The following ARHGEF7 variants were observed in gnomAD, a reference collection of about 807,000 sequenced individuals.
ARHGEF7 encodes PAK-interacting exchange factor beta.
A neutral mutation model predicts 109.8 loss-of-function variants in ARHGEF7; 33 were observed. The observed-to-expected ratio is 0.30, with a 90% CI of 0.23 to 0.40. ARHGEF7 has a LOEUF of 0.40. Among genes scored for constraint, ARHGEF7 ranks in the 10% least tolerant of loss-of-function variants. The pLI, the probability that ARHGEF7 is intolerant of heterozygous loss-of-function variation, is 1.00. For missense variants in ARHGEF7, 938 were observed against 1,098.5 expected, an observed-to-expected ratio of 0.85 and a Z score of 2.07; for synonymous variants, 458 against 424.6, an observed-to-expected ratio of 1.08 and a Z score of -0.97.
At chr13:111,227,501 C>CT (rs202180783) in intron 5 of ARHGEF7, among the ~76,000 whole-genome samples, 15 of 151,788 alleles carry the variant, frequency 9.9e-5, no homozygotes, top group Middle Eastern at 3.4e-3. Flanking sequence ...TTTTTAGAAA[C>CT]TTTTTTTTTA....
At chr13:111,161,527 T>C (rs755493550) in intron 2 of ARHGEF7, among the ~76,000 whole-genome samples, 19 of 152,320 alleles carry the variant, frequency 1.2e-4, no homozygotes, top group Non-Finnish European at 1.2e-4. Flanking sequence ...GCCTGGTAAG[T>C]TGGAGGTGCC....
intron 8 of ARHGEF7, among the ~76,000 whole-genome samples, chr13:111,246,444 A>C (rs949008065): frequency 6.6e-6 from 1 of 152,120 alleles, no homozygotes; most frequent in East Asian, 1.9e-4. Flanking sequence ...CATGATGAAA[A>C]TACTTTGTTC....
At chr13:111,237,124 G>A (rs1452228432) in intron 6 of ARHGEF7, among the ~76,000 whole-genome samples, 1 of 152,140 alleles carries the variant, frequency 6.6e-6, no homozygotes, top group African/African-American at 2.4e-5. Context: ...AAATCTTTTA[G>A]GCTACCTAAT....
At chr13:111,295,092 G>A in intron 19 of ARHGEF7, 1 of 982,658 alleles carries the variant, frequency 1.0e-6, no homozygotes, top group South Asian at 4.7e-5. Flanking sequence ...GTATTGTACA[G>A]TATGCATATT....
At chr13:111,270,435 T>G (rs896067784) in intron 9 of ARHGEF7, among the ~76,000 whole-genome samples, 16 of 152,180 alleles carry the variant, frequency 1.1e-4, no homozygotes, top group African/African-American at 3.9e-4. Context: ...TTTTTTAACT[T>G]CAAACTGAAA....
Position 111,301,463 on chromosome 13 carries a change from TG to T in ARHGEF7, c.2412-14del. The T allele has an allele frequency of 6.2e-7, 1 of 1,611,660 alleles. No individual in the cohort carries two copies. Among genetic ancestry groups the T allele is most frequent in the Non-Finnish European group, 8.5e-7 (1 of 1,178,078 alleles). ...TCACCTTGTTCATGTGTGTGTGTTC[TG>T]TTTCCTGTTTCAGGAGTCTTGTGGA... On this transcript the variant is annotated splice_polypyrimidine_tract_variant and intron_variant, in intron 20 of 21. Transcript: ENST00000646102.
intron 21 of ARHGEF7, 75 bp from the exon 22 acceptor site, chr13:111,302,916 G>C: frequency 6.3e-7 from 1 of 1,577,840 alleles, no homozygotes; most frequent in Non-Finnish European, 8.6e-7. Flanking sequence ...GCTCCTCAAG[G>C]ATACACATTT....
intron 12 of ARHGEF7, chr13:111,275,980 G>T: frequency 2.7e-6 from 1 of 369,264 alleles, no homozygotes; most frequent in Non-Finnish European, 5.2e-6. Context: ...GCACACATCC[G>T]CATGGAGCTG....
Position 111,305,337 on chromosome 13 carries a change from T to C in ARHGEF7, c.*2224T>C, listed in dbSNP as rs1027501492. 5 of 152,270 alleles carry C rather than the reference T, an allele frequency of 3.3e-5. No homozygotes were observed. The highest frequency in any genetic ancestry group is 6.5e-5 in the Admixed American group (1 of 15,290). The allele number at this position is 152,270 out of a possible 1,614,324, so 9.4% of individuals were successfully genotyped here. On this transcript the variant is annotated 3_prime_UTR_variant, in exon 22 of 22. Transcript: ENST00000646102. ...CTCCCAAGGGGGTGGGAACTTGATA[T>C]AAACGTTTAAAGGGGCCACGATTTG...
chr13:111,253,026 C>T (rs892521007), intron 8 of ARHGEF7, among the ~76,000 whole-genome samples: 1 of 152,286 alleles, frequency 6.6e-6, no homozygotes, highest in Non-Finnish European at 1.5e-5. Flanking sequence ...GGCCCAGCAG[C>T]AGCTGGAGCC....
At chr13:111,244,001 T>A in intron 7 of ARHGEF7, 35 bp downstream of exon 7, 3 of 1,526,884 alleles carry the variant, frequency 2.0e-6, no homozygotes, top group Non-Finnish European at 2.7e-6. Context: ...AACTGTAAAA[T>A]AGTCTAAACC....
At chr13:111,267,371 C>T (rs1027121813) in intron 8 of ARHGEF7, among the ~76,000 whole-genome samples, 177 bp from the exon 9 acceptor site, 1 of 152,022 alleles carries the variant, frequency 6.6e-6, no homozygotes, top group Non-Finnish European at 1.5e-5. Context: ...TCTGGGCGCC[C>T]CTTCTCCTTG....
chr13:111,284,325 C>T (rs115088646), intron 16 of ARHGEF7, among the ~76,000 whole-genome samples: 3,255 of 152,246 alleles, frequency 0.021, 121 homozygotes, highest in African/African-American at 0.075. Context: ...TTAAGGCCCA[C>T]AGGAAAGTAC....
intron 4 of ARHGEF7, among the ~76,000 whole-genome samples, chr13:111,211,544 T>G (rs192645717): frequency 2.2e-4 from 34 of 152,350 alleles, no homozygotes; most frequent in Non-Finnish European, 4.6e-4. Flanking sequence ...AATTTCGTTA[T>G]ACTAGAAATA....
rs1566872966 is a variant in ARHGEF7, at chr13:111,221,403, ATATATATAGATGTCTATATATC to A, written c.670+3535_670+3556del. Among the ~76,000 whole-genome samples the A allele has an allele frequency of 6.9e-4, 14 of 20,380 alleles. 1 individual carries two copies. Among genetic ancestry groups the A allele is most frequent in the African/African-American group, 2.3e-3 (13 of 5,672 alleles). The allele number at this position is 20,380 out of a possible 152,430, so 13.4% of individuals were successfully genotyped here. A position where few individuals can be genotyped will look rare whatever the true frequency, so the allele number is the denominator to read the frequency against. On this transcript the variant is annotated intron_variant, in intron 5 of 21. Transcript: ENST00000646102. ...TATATATATAGATGTCTATATATCT[ATATATATAGATGTCTATATATC>A]TATATATAGATATATATATCTATAT...
intron 3 of ARHGEF7, among the ~76,000 whole-genome samples, chr13:111,207,123 A>G (rs112631184): frequency 2.6e-5 from 4 of 152,222 alleles, no homozygotes; most frequent in African/African-American, 9.7e-5. Flanking sequence ...TCCTGACCAC[A>G]TGGGGGAATC....
rs149214979 is a variant in ARHGEF7 at position 111,277,110 on chromosome 13, A to G, written c.1420-477A>G. 6.2e-3 allele frequency among the ~76,000 whole-genome samples: 937 copies of G among 152,314 alleles called. 9 individuals carry two copies. Among genetic ancestry groups the G allele is most frequent in the African/African-American group, 0.021 (886 of 41,576 alleles). On this transcript the variant is annotated intron_variant, in intron 12 of 21. Transcript: ENST00000646102. ...AGACCAAAATTGATTTTAACATTTT[A>G]TCCTTTCTTTAGCTTAAAGACTCCA...
At chr13:111,236,783 A>G (rs777769490) in intron 6 of ARHGEF7, among the ~76,000 whole-genome samples, 11 of 152,138 alleles carry the variant, frequency 7.2e-5, no homozygotes, top group African/African-American at 9.7e-5. Flanking sequence ...CCTGGGCAGC[A>G]TAACAAGACC....
intron 5 of ARHGEF7, among the ~76,000 whole-genome samples, chr13:111,221,524 T>TATATATATCTATATATATAG (rs1491421613): frequency 0.013 from 433 of 32,850 alleles, 26 homozygotes; most frequent in African/African-American, 0.037. Flanking sequence ...GATATATATC[T>TATATATATCTATATATATAG]ATATATATCT....
Sources: allele counts gnomAD v4.1 joint callset (sites outside exome capture counted in the v4.1 genomes callset), GRCh38; gene constraint gnomAD v4.1.1; transcripts MANE v1.5; gene names NCBI Gene and HGNC (gene_info 2026-07-23, HGNC 2026-07-21).